The following SNAPC4 variants were observed in gnomAD, a reference collection of about 807,000 sequenced individuals.
SNAPC4 encodes snRNA-activating protein complex subunit 4.
A neutral mutation model predicts 151.3 loss-of-function variants in SNAPC4; 127 were observed. The ratio of observed to expected loss-of-function variants is 0.84; its 90% CI spans 0.73 to 0.97. The LOEUF (loss-of-function observed/expected upper bound fraction) is 0.97. Among genes scored for constraint, SNAPC4 ranks in the 50% least tolerant of loss-of-function variants. The pLI, the probability that SNAPC4 is intolerant of heterozygous loss-of-function variation, is 0.00. For missense variants in SNAPC4, 2,186 were observed against 1,935.0 expected, an observed-to-expected ratio of 1.13 and a Z score of -2.43; for synonymous variants, 1,002 against 824.4, an observed-to-expected ratio of 1.22 and a Z score of -3.69.
rs1833780774 is a variant in SNAPC4 at position 136,383,540 on chromosome 9, C to T, written c.1629G>A (p.Glu543=). ...GSSSSSSSSS[E]EDEPEQAQAG... The stretch of plus-strand genomic sequence containing the variant: ...CCTGCGCCTGCTCTGGCTCGTCCTC[C>T]TCGCTGCTGCTGCTGCTGCTGCTGC... The change falls in exon 16 of 24, where the codon GAG becomes GAA. Residue 543 remains glutamate, a synonymous_variant. Transcript: ENST00000684778. This position sits in a 1 kb window ranked among gnomAD's most constrained non-coding sequence, Gnocchi z 4.2. 2 of 1,591,154 alleles carry T rather than the reference C, an allele frequency of 1.3e-6. No homozygotes were observed. The highest frequency in any genetic ancestry group is 1.1e-5 in the South Asian group (1 of 89,696).
At position 136,383,348 on chromosome 9, in the gene SNAPC4, G is replaced by T; in HGVS notation, c.1821C>A (p.Ser607Arg). Residue 607 changes from serine (S) to arginine (R), a missense_variant, in exon 16 of 24, where the codon AGC becomes AGA. Transcript: ENST00000684778. This position sits in a 1 kb window ranked among gnomAD's most constrained non-coding sequence, Gnocchi z 4.2. The stretch of plus-strand genomic sequence containing the variant: ...TGGAAGCTTCCTTGCTGCCGCCCTG[G>T]CTGGCACTGGACCCCTTGGGAGGGC... ...SLSPPKGSSA[S>R]QGGSKEASTT... 6.2e-7 allele frequency: 1 copy of T among 1,608,462 alleles called. No individual in the cohort carries two copies. The highest frequency in any genetic ancestry group is 1.1e-5 in the South Asian group (1 of 90,498).
intron 10 of SNAPC4, among the ~76,000 whole-genome samples, chr9:136,390,084 G>C (rs1220439392): frequency 1.3e-5 from 2 of 152,146 alleles, no homozygotes; most frequent in Non-Finnish European, 2.9e-5. Context: ...GCAAGACAGA[G>C]TGGAAGGAAA....
At position 136,382,005 on chromosome 9, in the gene SNAPC4, G is replaced by C; in HGVS notation, c.2136C>G (p.Ala712=). The C allele has an allele frequency of 6.2e-7, 1 of 1,609,900 alleles. No individual in the cohort carries two copies. The highest frequency in any genetic ancestry group is 8.5e-7 in the Non-Finnish European group (1 of 1,179,256). Residue 712 remains alanine (A), a synonymous_variant, in exon 18 of 24, where the codon GCC becomes GCG. Transcript: ENST00000684778. ...SPGVSSGDSV[A]RSHVQWLRHR... is the part of the protein sequence containing the mutation. The stretch of plus-strand genomic sequence containing the variant: ...GCCGTAGCCACTGCACATGGGATCG[G>C]GCCACGCTGTCACCAGAGCTGACCC...
Position 136,378,024 on chromosome 9 carries a change from G to A in SNAPC4, c.3803C>T (p.Ala1268Val), listed in dbSNP as rs1425235636. Residue 1268 changes from alanine to valine, a missense_variant, in exon 22 of 24, where the codon GCC (alanine) becomes GTC (valine). Physicochemically the swap from Ala to Val is moderately conservative, Grantham distance 64. Transcript: ENST00000684778. ...CTGGGACAGCAGGCCCAGGTCCAGG[G>A]CCCCCTTCTCAGGCCCAGGCTGGGG... ...PLPQPGPEKG[A>V]LDLGLLSQEG... 4.4e-6 allele frequency: 7 copies of A among 1,591,152 alleles called. No homozygotes were observed. Among genetic ancestry groups the A allele is most frequent in the Non-Finnish European group, 6.0e-6 (7 of 1,169,744 alleles).
At chr9:136,381,231 C>T in intron 19 of SNAPC4, 91 bp downstream of exon 19, 6 of 1,024,272 alleles carry the variant, frequency 5.9e-6, no homozygotes, top group Non-Finnish European at 9.1e-6. Context: ...GATAGCTAGA[C>T]TTTAAGGAAT....
At chr9:136,377,454 C>T in intron 22 of SNAPC4, 89 bp downstream of exon 22, 4 of 1,434,896 alleles carry the variant, frequency 2.8e-6, no homozygotes, top group Non-Finnish European at 3.7e-6. Context: ...GCAACTTCCA[C>T]CAGCCCCCAC....
At chr9:136,395,186 A>G (rs1834220870) in intron 5 of SNAPC4, 112 bp downstream of exon 5, 4 of 1,386,596 alleles carry the variant, frequency 2.9e-6, no homozygotes, top group Admixed American at 4.0e-5. Context: ...AGGTTGGCCA[A>G]TGTTATCTTG....
In SNAPC4 at chr9:136,383,262, C is replaced by A. The variant is rs189305050; in HGVS notation, c.1907G>T (p.Gly636Val). The A allele has an allele frequency of 1.4e-5, 23 of 1,610,270 alleles. No homozygotes were observed. ...SPVQVPARAH[G>V]PVPRSAQASH... is the part of the protein sequence containing the mutation. ...GGCCTGGGCAGACCTCGGGACAGGGCCGTGGGCCCTGGCAGGGACCTGCAC... is the reference window on the plus strand; with the variant it reads ...GGCCTGGGCAGACCTCGGGACAGGGACGTGGGCCCTGGCAGGGACCTGCAC... The change falls in exon 16 of 24, where the codon GGC (glycine) becomes GTC (valine). Residue 636 changes from glycine to valine, a missense_variant. Gly to Val is a moderately radical substitution (Grantham distance 109). Transcript: ENST00000684778. The surrounding 1 kb of genome is among the most constrained non-coding windows in gnomAD (Gnocchi z 4.2).
chr9:136,382,967 C>A (rs1321409446), intron 16 of SNAPC4, among the ~76,000 whole-genome samples: 1 of 152,198 alleles, frequency 6.6e-6, no homozygotes. Context: ...TCCAAGTGCC[C>A]ATTCAGCCAT....
At chr9:136,377,468 A>C in intron 22 of SNAPC4, 75 bp downstream of exon 22, 1 of 1,470,400 alleles carries the variant, frequency 6.8e-7, no homozygotes, top group Non-Finnish European at 9.0e-7. Context: ...CCCCCACCCC[A>C]CTGCTCCAGG....
At chr9:136,382,229 G>A (rs773620571) in intron 17 of SNAPC4, 24 bp downstream of exon 17, 16 of 1,609,956 alleles carry the variant, frequency 9.9e-6, no homozygotes, top group East Asian at 4.5e-5. Flanking sequence ...TGGCGTGCGC[G>A]TGGGTGTCTG....
At chr9:136,380,098 G>A (rs925193003) in intron 20 of SNAPC4, among the ~76,000 whole-genome samples, 2 of 152,182 alleles carry the variant, frequency 1.3e-5, no homozygotes, top group South Asian at 2.1e-4. Flanking sequence ...AGTGGGCAGC[G>A]GTGCTGGAGA....
At chr9:136,399,817 A>T (rs1386940453) in intron 1 of SNAPC4, among the ~76,000 whole-genome samples, 1 of 152,098 alleles carries the variant, frequency 6.6e-6, no homozygotes, top group Non-Finnish European at 1.5e-5. Context: ...ACCCCCTCCG[A>T]GGCTCGGCCA....
In SNAPC4 at chr9:136,383,191, G is replaced by C; in HGVS notation, c.1978C>G (p.Leu660Val). 6.5e-7 allele frequency: 1 copy of C among 1,534,922 alleles called. No homozygotes were observed. Among genetic ancestry groups the C allele is most frequent in the Non-Finnish European group, 8.7e-7 (1 of 1,143,776 alleles). ...CACCCAGGGCCGGGGCCTACCTCCA[G>C]GGCCTGCTTCTCTGCGCCCGCCGGG... The part of the protein sequence containing the change: ...TRPAGAEKQA[L>V]EGGRRLLTVP... Residue 660 changes from leucine (L) to valine (V), a missense_variant, in exon 16 of 24, where the codon CTG (leucine) becomes GTG (valine). Leu to Val is a conservative substitution (Grantham distance 32). Transcript: ENST00000684778. The surrounding 1 kb of genome is among the most constrained non-coding windows in gnomAD (Gnocchi z 4.2).
intron 13 of SNAPC4, among the ~76,000 whole-genome samples, chr9:136,385,461 A>T (rs1833857794): frequency 6.6e-6 from 1 of 152,232 alleles, no homozygotes; most frequent in Non-Finnish European, 1.5e-5. Context: ...ATATCTATGT[A>T]AAAAAGTGCA....
chr9:136,388,580 G>A lies in SNAPC4; in HGVS notation c.987C>T (p.Ser329=), dbSNP rs751466860. ...GGAATTTCTGCAGGCACTGGAAGGCGCTGCGGCTGGTCTTCCCAGGCCCAA... is the reference window on the plus strand; with the variant it reads ...GGAATTTCTGCAGGCACTGGAAGGCACTGCGGCTGGTCTTCCCAGGCCCAA... ...KIAEELGTSR[S]AFQCLQKFQQ... The change falls in exon 11 of 24, where the codon AGC becomes AGT. Residue 329 remains serine (S), a synonymous_variant. Transcript: ENST00000684778. 13 of 1,613,872 alleles carry A rather than the reference G, an allele frequency of 8.1e-6. No homozygotes were observed. The East Asian group carries it at 8.9e-5, about 11-fold the overall frequency.
At chr9:136,397,468 G>A (rs536169758) in intron 2 of SNAPC4, among the ~76,000 whole-genome samples, 1 of 149,954 alleles carries the variant, frequency 6.7e-6, no homozygotes, top group East Asian at 2.0e-4. Context: ...AGGCTGGGGG[G>A]GTCTCCTGTC....
chr9:136,392,509 G>A lies in SNAPC4; in HGVS notation c.810+13C>T. 6.2e-7 allele frequency: 1 copy of A among 1,612,940 alleles called. No individual in the cohort carries two copies. The highest frequency in any genetic ancestry group is 2.2e-5 in the East Asian group (1 of 44,866). On this transcript the variant is annotated intron_variant, in intron 9 of 23. Coordinates refer to ENST00000684778, the MANE Select transcript of SNAPC4 (RefSeq NM_003086.4). Reference sequence around the variant, plus strand: ...TCCAAGCTGCTTGGGGCTCAGACCTGCCCCTGACTTACGTTAATATTGGAA... The same window carrying A: ...TCCAAGCTGCTTGGGGCTCAGACCTACCCCTGACTTACGTTAATATTGGAA...
At chr9:136,390,888 G>A (rs1443877264) in intron 10 of SNAPC4, among the ~76,000 whole-genome samples, 1 of 150,492 alleles carries the variant, frequency 6.6e-6, no homozygotes, top group African/African-American at 2.4e-5. Context: ...AGGCTGGAGT[G>A]CAGTGGCGCG....
Sources: allele counts gnomAD v4.1 joint callset (sites outside exome capture counted in the v4.1 genomes callset), GRCh38; gene constraint gnomAD v4.1.1; non-coding constraint Gnocchi (gnomAD v3.1); transcripts MANE v1.5; gene names NCBI Gene and HGNC (gene_info 2026-07-23, HGNC 2026-07-21).